C1orf146: variants seen among roughly 807,000 people sequenced by gnomAD.
The protein encoded by C1orf146 is chromosome 1 open reading frame 146, also known as protein SPO16 homolog.
Under a neutral mutation model 23.0 loss-of-function variants are expected in C1orf146, and 22 were observed. That is an observed-to-expected ratio of 0.96 (90% CI 0.68 to 1.36). The LOEUF (loss-of-function observed/expected upper bound fraction) is 1.36, where lower values mean the gene tolerates loss of function less well. Among genes scored for constraint, C1orf146 ranks in the 40% most tolerant of loss-of-function variants. The pLI, the probability that C1orf146 is intolerant of heterozygous loss-of-function variation, is 0.00. For synonymous variants in C1orf146, 59 were observed against 65.3 expected, an observed-to-expected ratio of 0.90 and a Z score of 0.47; for missense variants, 199 against 206.8, an observed-to-expected ratio of 0.96 and a Z score of 0.23.
chr1:92,224,674 CTTTA>C (rs1651922192), intron 1 of C1orf146, among the ~76,000 whole-genome samples: 1 of 152,154 alleles, frequency 6.6e-6, no homozygotes, highest in Admixed American at 6.5e-5. Context: ...GAACTGTTTT[CTTTA>C]TTCTTTCTAT....
In C1orf146 at chr1:92,245,603, A is replaced by G; in HGVS notation, c.472A>G (p.Ile158Val). The G allele has an allele frequency of 6.2e-7, 1 of 1,601,600 alleles. No homozygotes were observed. Among genetic ancestry groups the G allele is most frequent in the South Asian group, 1.1e-5 (1 of 88,828 alleles). ...AATGATAACAGCTAAAGCTTACATC[A>G]TTGAGCAAAGTCCTGTTTGGAAAAC... is the stretch of plus-strand genomic sequence containing the variant. ...YRMITAKAYIIEQSPVWKTLQ... is the reference protein window; with the variant it reads ...YRMITAKAYIVEQSPVWKTLQ... Residue 158 changes from isoleucine to valine, a missense_variant, in exon 6 of 6, where the codon ATT (isoleucine) becomes GTT (valine). Ile to Val is a conservative substitution (Grantham distance 29, BLOSUM62 3). Transcript: ENST00000370375.
intron 1 of C1orf146, among the ~76,000 whole-genome samples, chr1:92,225,960 C>T (rs1200240798): frequency 6.6e-6 from 1 of 152,078 alleles, no homozygotes; most frequent in Non-Finnish European, 1.5e-5. Context: ...AAATCTTATC[C>T]ATTCACATTT....
intron 2 of C1orf146, among the ~76,000 whole-genome samples, chr1:92,235,457 G>C (rs1293352397): frequency 6.6e-6 from 1 of 152,090 alleles, no homozygotes; most frequent in Admixed American, 6.6e-5. Flanking sequence ...TAGTTTGATT[G>C]CACTGTGGTC....
Position 92,245,606 on chromosome 1 carries a change from G to T in C1orf146, c.475G>T (p.Glu159Ter). 6.2e-7 allele frequency: 1 copy of T among 1,600,178 alleles called. No homozygotes were observed. The highest frequency in any genetic ancestry group is 1.1e-5 in the South Asian group (1 of 88,752). ...GATAACAGCTAAAGCTTACATCATTGAGCAAAGTCCTGTTTGGAAAACACT... is the reference window on the plus strand; with the variant it reads ...GATAACAGCTAAAGCTTACATCATTTAGCAAAGTCCTGTTTGGAAAACACT... The part of the protein sequence containing the change: ...RMITAKAYII[E>*]QSPVWKTLQK... The change falls in exon 6 of 6, where the codon GAG (glutamate) becomes TAG (stop). Residue 159 changes from glutamate (E) to a stop codon, truncating the protein, a stop_gained. Transcript: ENST00000370375. LOFTEE classifies it high-confidence loss of function.
rs138619256 is a variant in C1orf146, at chr1:92,231,470, T to G, written c.50T>G (p.Ile17Ser). The G allele has an allele frequency of 3.7e-6, 6 of 1,610,596 alleles. No individual in the cohort carries two copies. Among genetic ancestry groups the G allele is most frequent in the Non-Finnish European group, 5.1e-6 (6 of 1,178,780 alleles). The stretch of plus-strand genomic sequence containing the variant: ...ATAAAATGGACAACCACCATTATTA[T>G]TAGCTCATCTCTTAAGGTAAAGGGG... ...EKIKWTTTII[I>S]SSSLKSYEVA... The change falls in exon 2 of 6, where the codon ATT becomes AGT. Residue 17 changes from isoleucine (I) to serine (S), a missense_variant. Coordinates refer to ENST00000370375, the MANE Select transcript of C1orf146 (RefSeq NM_001012425.2).
At chr1:92,232,818 A>G (rs1652166281) in intron 2 of C1orf146, among the ~76,000 whole-genome samples, 1 of 151,890 alleles carries the variant, frequency 6.6e-6, no homozygotes, top group African/African-American at 2.4e-5. Context: ...GTGTGAGATG[A>G]TATCTCATAG....
chr1:92,244,969 G>T, intron 5 of C1orf146, 112 bp downstream of exon 5: 1 of 620,526 alleles, frequency 1.6e-6, no homozygotes, highest in South Asian at 2.6e-5. Context: ...GTTCCCCTGC[G>T]GGAGTTGCTG....
chr1:92,244,175 C>T (rs371721685), intron 3 of C1orf146, 42 bp from the exon 4 acceptor site: 20 of 1,408,920 alleles, frequency 1.4e-5, no homozygotes, highest in South Asian at 1.4e-4. Context: ...AATTTCATCT[C>T]TATAACAAAG....
At chr1:92,232,207 C>T (rs1302799991) in intron 2 of C1orf146, among the ~76,000 whole-genome samples, 1 of 151,956 alleles carries the variant, frequency 6.6e-6, no homozygotes, top group African/African-American at 2.4e-5. Context: ...GCGCTGCACC[C>T]ACTAACTCGT....
intron 1 of C1orf146, among the ~76,000 whole-genome samples, chr1:92,227,885 G>C (rs1652008150): frequency 6.8e-6 from 1 of 146,658 alleles, no homozygotes; most frequent in East Asian, 2.0e-4. Flanking sequence ...AGTTTAATCT[G>C]TTCAGATTTA....
At chr1:92,231,811 G>A (rs1652129471) in intron 2 of C1orf146, among the ~76,000 whole-genome samples, 2 of 151,924 alleles carry the variant, frequency 1.3e-5, no homozygotes, top group African/African-American at 2.4e-5. Flanking sequence ...CTTTCTGAGA[G>A]CTAAAGAACC....
chr1:92,244,903 G>A (rs752777300), intron 5 of C1orf146, 46 bp downstream of exon 5: 4 of 1,093,328 alleles, frequency 3.7e-6, no homozygotes, highest in Non-Finnish European at 5.5e-6. Flanking sequence ...ACATTTTAAG[G>A]TTTTTAACTT....
At chr1:92,243,853 C>T (rs960554659) in intron 3 of C1orf146, among the ~76,000 whole-genome samples, 5 of 151,576 alleles carry the variant, frequency 3.3e-5, no homozygotes, top group African/African-American at 1.2e-4. Context: ...TAAACTAGTA[C>T]ATATTTTAAA....
chr1:92,242,173 C>T (rs1652447199), intron 2 of C1orf146, 39 bp from the exon 3 acceptor site: 1 of 1,145,384 alleles, frequency 8.7e-7, no homozygotes, highest in South Asian at 1.4e-5. Context: ...CAATTGTAAG[C>T]ATGCCTTAAA....
At chr1:92,238,511 A>G (rs1229815542) in intron 2 of C1orf146, among the ~76,000 whole-genome samples, 1 of 152,222 alleles carries the variant, frequency 6.6e-6, no homozygotes, top group Non-Finnish European at 1.5e-5. Context: ...TATGAAACAT[A>G]TTTTGAAAAA....
intron 1 of C1orf146, among the ~76,000 whole-genome samples, chr1:92,224,607 C>T (rs1046028379): frequency 6.6e-5 from 10 of 152,112 alleles, no homozygotes; most frequent in East Asian, 1.9e-4. Context: ...GTTCCAACAC[C>T]GTTTATCGTA....
chr1:92,220,908 G>T (rs181735144), intron 1 of C1orf146, among the ~76,000 whole-genome samples: 1 of 152,322 alleles, frequency 6.6e-6, no homozygotes, highest in Admixed American at 6.5e-5. Context: ...GAGTAGAGTT[G>T]CAGAGTTACA....
intron 1 of C1orf146, among the ~76,000 whole-genome samples, chr1:92,222,101 C>T (rs908347448): frequency 1.3e-5 from 2 of 152,134 alleles, no homozygotes; most frequent in East Asian, 3.9e-4. Flanking sequence ...ATCAGCCAGG[C>T]GTGGTGGCGC....
In C1orf146 at chr1:92,243,141, A is replaced by G. The variant is rs568060725; in HGVS notation, c.160+836A>G. On this transcript the variant is annotated intron_variant, in intron 3 of 5. Coordinates refer to ENST00000370375, the MANE Select transcript of C1orf146 (RefSeq NM_001012425.2). ...CTAACAAAAAATTTACTCCCATGTT[A>G]CAGAAGAGGAAACTTATGTTCAGAG... is the stretch of plus-strand genomic sequence containing the variant. 1.8e-3 allele frequency among the ~76,000 whole-genome samples: 268 copies of G among 152,316 alleles called. 1 individual carries two copies. Among genetic ancestry groups the G allele is most frequent in the African/African-American group, 6.2e-3 (256 of 41,568 alleles).
Sources: allele counts gnomAD v4.1 joint callset (sites outside exome capture counted in the v4.1 genomes callset), GRCh38; gene constraint gnomAD v4.1.1; transcripts MANE v1.5; gene names NCBI Gene and HGNC (gene_info 2026-07-23, HGNC 2026-07-21).